MYO1D: variants seen among roughly 807,000 people sequenced by gnomAD.
The protein encoded by MYO1D is myosin ID.
Under a neutral mutation model 122.0 loss-of-function variants are expected in MYO1D, and 83 were observed. The ratio of observed to expected loss-of-function variants is 0.68; its 90% CI spans 0.57 to 0.82. MYO1D has a LOEUF of 0.82. Among genes scored for constraint, MYO1D ranks in the 40% least tolerant of loss-of-function variants. The pLI, the probability that MYO1D is intolerant of heterozygous loss-of-function variation, is 0.00. For synonymous variants in MYO1D, 464 were observed against 446.9 expected, an observed-to-expected ratio of 1.04 and a Z score of -0.48; for missense variants, 1,157 against 1,269.5, an observed-to-expected ratio of 0.91 and a Z score of 1.35.
At chr17:32,530,255 T>C (rs1259476505) in intron 21 of MYO1D, among the ~76,000 whole-genome samples, 1 of 152,200 alleles carries the variant, frequency 6.6e-6, no homozygotes. Flanking sequence ...ATCTATAAAA[T>C]AGGCTTAATA....
intron 21 of MYO1D, among the ~76,000 whole-genome samples, chr17:32,576,524 T>C (rs914969693): frequency 6.6e-6 from 1 of 152,248 alleles, no homozygotes; most frequent in Admixed American, 6.5e-5. Flanking sequence ...ATAACCTTAA[T>C]TGGACTAAAT....
rs565095358 is a variant in MYO1D, at chr17:32,869,218, C to CA, written c.95+7559dup. Among the ~76,000 whole-genome samples, 850 of 138,628 alleles carry CA rather than the reference C, an allele frequency of 6.1e-3. 1 individual carries two copies. The highest frequency in any genetic ancestry group is 0.017 in the African/African-American group (666 of 38,452). The allele number at this position is 138,628 out of a possible 152,430, so 90.9% of individuals were successfully genotyped here. A position where few individuals can be genotyped will look rare whatever the true frequency, so the allele number is the denominator to read the frequency against. On this transcript the variant is annotated intron_variant, in intron 1 of 21. Coordinates refer to ENST00000318217, the MANE Select transcript of MYO1D (RefSeq NM_015194.3). ...TGGGCAACAGAGCGAGGCCCTGTCT[C>CA]AAAAAAAAAAAGAGATCTAGCCAGT...
chr17:32,736,854 T>C (rs1018169527), intron 14 of MYO1D, among the ~76,000 whole-genome samples: 2 of 152,200 alleles, frequency 1.3e-5, no homozygotes, highest in East Asian at 1.9e-4. Flanking sequence ...CAGGCTGCAG[T>C]TGACATGCAA....
intron 3 of MYO1D, 145 bp from the exon 4 acceptor site, chr17:32,776,174 A>T: frequency 1.4e-6 from 1 of 697,268 alleles, no homozygotes; most frequent in Non-Finnish European, 2.3e-6. Context: ...AAAAACAAAC[A>T]AATTAATGTC....
chr17:32,782,672 T>C (rs1275502461), intron 1 of MYO1D, among the ~76,000 whole-genome samples: 1 of 152,210 alleles, frequency 6.6e-6, no homozygotes, highest in African/African-American at 2.4e-5. Context: ...GCAGTGGCTC[T>C]TGCCTATAAT....
At chr17:32,857,439 G>C (rs1235407716) in intron 1 of MYO1D, among the ~76,000 whole-genome samples, 2 of 152,072 alleles carry the variant, frequency 1.3e-5, no homozygotes, top group East Asian at 3.9e-4. Context: ...CAAAAAATTA[G>C]CTGGGCGTGG....
intron 19 of MYO1D, among the ~76,000 whole-genome samples, chr17:32,639,582 A>G (rs1477200619): frequency 6.6e-6 from 1 of 151,996 alleles, no homozygotes; most frequent in Non-Finnish European, 1.5e-5. Flanking sequence ...GTCACCCAAG[A>G]TAGTGTGTAG....
intron 1 of MYO1D, among the ~76,000 whole-genome samples, chr17:32,834,261 A>C (rs1598140865): frequency 6.6e-6 from 1 of 152,208 alleles, no homozygotes; most frequent in East Asian, 1.9e-4. Context: ...GAGGGATAAC[A>C]AATTGCTCAT....
At chr17:32,855,295 CA>C (rs2091019139) in intron 1 of MYO1D, among the ~76,000 whole-genome samples, 1 of 152,166 alleles carries the variant, frequency 6.6e-6, no homozygotes, top group African/African-American at 2.4e-5. Flanking sequence ...CCGGCACCCC[CA>C]GATACCCTCC....
chr17:32,530,591 A>G (rs1249529453), intron 21 of MYO1D, among the ~76,000 whole-genome samples: 1 of 152,174 alleles, frequency 6.6e-6, no homozygotes, highest in Non-Finnish European at 1.5e-5. Context: ...ACTTGAGTCC[A>G]GGAGTTTGAG....
chr17:32,511,958 T>C (rs1909709769), intron 21 of MYO1D, among the ~76,000 whole-genome samples: 1 of 152,128 alleles, frequency 6.6e-6, no homozygotes, highest in Admixed American at 6.5e-5. Flanking sequence ...GAATCGAACA[T>C]TGAAAGCACT....
chr17:32,793,441 T>C (rs2090378244), intron 1 of MYO1D, among the ~76,000 whole-genome samples: 1 of 152,098 alleles, frequency 6.6e-6, no homozygotes, highest in Non-Finnish European at 1.5e-5. Flanking sequence ...TAGAGAAGGA[T>C]ACCTAAACCA....
rs201398898 is a variant in MYO1D, at chr17:32,613,370, G to A, written c.2710-8129C>T. 8.5e-5 allele frequency among the ~76,000 whole-genome samples: 13 copies of A among 152,136 alleles called. 1 individual carries two copies. The highest frequency in any genetic ancestry group is 3.9e-4 in the East Asian group (2 of 5,176). The stretch of plus-strand genomic sequence containing the variant: ...AAACACACCCAGAAATCAATGTAAC[G>A]TACAAATACAGATGCAAAATCCAAA... On this transcript the variant is annotated intron_variant, in intron 20 of 21. Coordinates refer to ENST00000318217, the MANE Select transcript of MYO1D (RefSeq NM_015194.3).
At chr17:32,565,846 A>C (rs1056130283) in intron 21 of MYO1D, among the ~76,000 whole-genome samples, 1 of 152,064 alleles carries the variant, frequency 6.6e-6, no homozygotes, top group Admixed American at 6.5e-5. Flanking sequence ...TCAGCCTCCC[A>C]AGTAGCTGGG....
chr17:32,849,530 C>T lies in MYO1D; in HGVS notation c.95+27248G>A, dbSNP rs9907590. Reference sequence around the variant, plus strand: ...GTCCTTTGTAGGGACATGGATGAAACTGGAAATCATCATTCTCAGTAAACT... The same window carrying T: ...GTCCTTTGTAGGGACATGGATGAAATTGGAAATCATCATTCTCAGTAAACT... On this transcript the variant is annotated intron_variant, in intron 1 of 21. Coordinates refer to ENST00000318217, the MANE Select transcript of MYO1D (RefSeq NM_015194.3). Among the ~76,000 whole-genome samples the T allele has an allele frequency of 8.2e-3, 1,245 of 151,120 alleles. 16 individuals are homozygous for T. Among genetic ancestry groups the T allele is most frequent in the African/African-American group, 0.029 (1,158 of 40,590 alleles).
At chr17:32,545,933 T>C (rs2086961811) in intron 21 of MYO1D, among the ~76,000 whole-genome samples, 1 of 152,094 alleles carries the variant, frequency 6.6e-6, no homozygotes, top group Non-Finnish European at 1.5e-5. Flanking sequence ...TACTTGGGAG[T>C]ATGCATCTGA....
chr17:32,724,566 C>T (rs1326706009), intron 14 of MYO1D, among the ~76,000 whole-genome samples: 1 of 152,080 alleles, frequency 6.6e-6, no homozygotes, highest in Non-Finnish European at 1.5e-5. Flanking sequence ...CCTTTTTTTC[C>T]TGGGGAAATT....
At chr17:32,670,997 G>A (rs1282732143) in intron 16 of MYO1D, among the ~76,000 whole-genome samples, 1 of 152,214 alleles carries the variant, frequency 6.6e-6, no homozygotes, top group Non-Finnish European at 1.5e-5. Context: ...CCACCCCATA[G>A]AAGAGAAGCA....
intron 21 of MYO1D, chr17:32,497,790 G>T (rs1909173905): frequency 6.6e-6 from 1 of 152,440 alleles, no homozygotes; most frequent in South Asian, 2.1e-4. Context: ...GAAGGTTCTT[G>T]AATAGCAAGA....
Sources: allele counts gnomAD v4.1 joint callset (sites outside exome capture counted in the v4.1 genomes callset), GRCh38; gene constraint gnomAD v4.1.1; transcripts MANE v1.5; gene names NCBI Gene and HGNC (gene_info 2026-07-23, HGNC 2026-07-21).